The following ADAMTS20 variants were observed in gnomAD, a reference collection of about 807,000 sequenced individuals.
ADAMTS20 encodes ADAM metallopeptidase with thrombospondin type 1 motif 20.
A neutral mutation model predicts 260.1 loss-of-function variants in ADAMTS20; 225 were observed. The ratio of observed to expected loss-of-function variants is 0.87; its 90% confidence interval spans 0.78 to 0.97. The LOEUF (loss-of-function observed/expected upper bound fraction) is 0.97. Among genes scored for constraint, ADAMTS20 ranks in the 50% least tolerant of loss-of-function variants. The pLI, the probability that ADAMTS20 is intolerant of heterozygous loss-of-function variation, is 0.00. For synonymous variants in ADAMTS20, 802 were observed against 769.5 expected (o/e 1.04, Z -0.70); for missense variants, 2,400 against 2,337.7 (o/e 1.03, Z -0.55).
rs573472065 is a variant in ADAMTS20, at chr12:43,383,593, A to C, written c.4762T>G (p.Cys1588Gly). The part of the protein sequence containing the change: ...LTSKNCRNPP[C>G]NYIVVTADSS... ...TCTGCTGTTACCACAATGTAATTGC[A>C]AGGAGGGTTCCTGCAATTCTTGGAT... Residue 1588 changes from cysteine (C) to glycine (G), a missense_variant, in exon 31 of 39, where the codon TGC (cysteine) becomes GGC (glycine). By Grantham distance (159) the Cys-to-Gly change is radical. Transcript: ENST00000389420. 3.7e-6 allele frequency: 6 copies of C among 1,613,400 alleles called. No individual in the cohort carries two copies. In the South Asian group the frequency reaches 5.5e-5, roughly 15 times the overall value.
chr12:43,499,834 A>C (rs574364832), intron 4 of ADAMTS20, among the ~76,000 whole-genome samples: 1 of 152,104 alleles, frequency 6.6e-6, no homozygotes, highest in African/African-American at 2.4e-5. Flanking sequence ...TATAGATAAC[A>C]AAACCTTTCT....
chr12:43,519,472 A>C (rs1158851965), intron 3 of ADAMTS20, among the ~76,000 whole-genome samples: 1 of 152,102 alleles, frequency 6.6e-6, no homozygotes, highest in Non-Finnish European at 1.5e-5. Context: ...ATAAAAAAAA[A>C]CCCATGCTGG....
chr12:43,383,693 T>C lies in ADAMTS20; in HGVS notation c.4662A>G (p.Gln1554=). 6.2e-7 allele frequency: 1 copy of C among 1,613,954 alleles called. No individual in the cohort carries two copies. The highest frequency in any genetic ancestry group is 8.5e-7 in the Non-Finnish European group (1 of 1,179,838). Residue 1554 remains glutamine, a synonymous_variant, in exon 31 of 39, where the codon CAA becomes CAG. Coordinates refer to ENST00000389420, the MANE Select transcript of ADAMTS20 (RefSeq NM_025003.5). ...TTTGGTTATCTGTGCACTCCATTCG[T>C]TGATGTGAATCTTTTCTCTCACATG... ...STSCERKDSH[Q]RMECTDNQIR...
At chr12:43,377,599 T>C (rs748272049) in intron 31 of ADAMTS20, 37 bp from the exon 32 acceptor site, 2 of 1,559,910 alleles carry the variant, frequency 1.3e-6, no homozygotes, top group South Asian at 2.3e-5. Flanking sequence ...AAAATGTCAT[T>C]AACTTTAGCC....
intron 29 of ADAMTS20, among the ~76,000 whole-genome samples, chr12:43,394,860 G>GT (rs1287430809): frequency 1.3e-5 from 2 of 152,092 alleles, no homozygotes; most frequent in African/African-American, 2.4e-5. Context: ...ATAAGCTGCT[G>GT]TTTCTTCATC....
At chr12:43,501,473 G>GCACA (rs1198759318) in intron 4 of ADAMTS20, among the ~76,000 whole-genome samples, 981 of 55,512 alleles carry the variant, frequency 0.018, 13 homozygotes, top group African/African-American at 0.072. Context: ...GCGCGCGCGC[G>GCACA]CGCGCGCGCA....
At position 43,375,583 on chromosome 12, in the gene ADAMTS20, T is replaced by C. The variant is rs1940208949; in HGVS notation, c.5313-71A>G. On this transcript the variant is annotated intron_variant, in intron 35 of 38. Transcript: ENST00000389420. ...CCATAATGTAGACAAACTTTGGGAG[T>C]AGAAAAATAAAACACACTCCTGCTC... 1.6e-5 allele frequency: 24 copies of C among 1,533,112 alleles called. 1 individual carries two copies. The South Asian group carries it at 2.2e-4, about 14-fold the overall frequency. The allele number at this position is 1,533,112 out of a possible 1,614,324, so 95.0% of individuals were successfully genotyped here. A position where few individuals can be genotyped will look rare whatever the true frequency, so the allele number is the denominator to read the frequency against.
chr12:43,545,860 A>T (rs1037194752), intron 2 of ADAMTS20, among the ~76,000 whole-genome samples: 1 of 151,954 alleles, frequency 6.6e-6, no homozygotes, highest in Non-Finnish European at 1.5e-5. Context: ...TAACACAGAC[A>T]CTTCCCCTAA....
At chr12:43,394,136 C>A (rs557391455) in intron 29 of ADAMTS20, among the ~76,000 whole-genome samples, 1 of 152,002 alleles carries the variant, frequency 6.6e-6, no homozygotes, top group Admixed American at 6.6e-5. Context: ...CAATCCAGCA[C>A]CCTAATGTTG....
chr12:43,483,326 A>C (rs1474861626), intron 7 of ADAMTS20, among the ~76,000 whole-genome samples: 10 of 152,156 alleles, frequency 6.6e-5, no homozygotes, highest in Non-Finnish European at 1.5e-4. Flanking sequence ...ACCCTGTGGG[A>C]CAAAAGAAAC....
In ADAMTS20 at chr12:43,354,118, C is replaced by T. The variant is rs991154462; in HGVS notation, c.*91G>A. ...AGAGACATATTGGACATGGAAATCT[C>T]GGGAAGGGAGATATAAAGAAATGAG... On this transcript the variant is annotated 3_prime_UTR_variant, in exon 39 of 39. Coordinates refer to ENST00000389420, the MANE Select transcript of ADAMTS20 (RefSeq NM_025003.5). 1.2e-5 allele frequency: 12 copies of T among 975,980 alleles called. No individual in the cohort carries two copies. The highest frequency in any genetic ancestry group is 5.0e-5 in the African/African-American group (3 of 60,006). 60.5% of individuals were successfully genotyped at this position (975,980 alleles called of 1,614,324 possible). A position where few individuals can be genotyped will look rare whatever the true frequency, so the allele number is the denominator to read the frequency against.
At chr12:43,539,399 C>A (rs1251412531) in intron 2 of ADAMTS20, among the ~76,000 whole-genome samples, 2 of 152,036 alleles carry the variant, frequency 1.3e-5, no homozygotes, top group East Asian at 1.9e-4. Flanking sequence ...TTAAATAGTT[C>A]AAAAATTAAT....
intron 3 of ADAMTS20, among the ~76,000 whole-genome samples, chr12:43,506,966 G>A (rs887778451): frequency 2.0e-5 from 3 of 152,160 alleles, no homozygotes; most frequent in African/African-American, 4.8e-5. Context: ...TGAGGGAAAC[G>A]AGGAGAGGCT....
intron 7 of ADAMTS20, among the ~76,000 whole-genome samples, chr12:43,478,882 G>A (rs550182557): frequency 6.6e-6 from 1 of 152,294 alleles, no homozygotes; most frequent in African/African-American, 2.4e-5. Flanking sequence ...TGACTTTGCA[G>A]CTAACTCAGA....
At position 43,402,874 on chromosome 12, in the gene ADAMTS20, AT is replaced by A. The variant is rs140385154; in HGVS notation, c.4285-3642del. On this transcript the variant is annotated intron_variant, in intron 28 of 38. Coordinates refer to ENST00000389420, the MANE Select transcript of ADAMTS20 (RefSeq NM_025003.5). ...GACATAGTCTTAAACTGTTACTGAGATTTTTTTTTTCCATGACTACTATGGA... is the reference window on the plus strand; with the variant it reads ...GACATAGTCTTAAACTGTTACTGAGATTTTTTTTTCCATGACTACTATGGA... Among the ~76,000 whole-genome samples the A allele has an allele frequency of 9.4e-3, 1,413 of 150,752 alleles. 20 individuals carry two copies. Among genetic ancestry groups the A allele is most frequent in the African/African-American group, 0.032 (1,322 of 41,230 alleles).
At chr12:43,405,140 C>T (rs1213944714) in intron 28 of ADAMTS20, among the ~76,000 whole-genome samples, 1 of 146,378 alleles carries the variant, frequency 6.8e-6, no homozygotes, top group African/African-American at 2.5e-5. Flanking sequence ...ATGCCTGTAG[C>T]CCCAGCACTT....
intron 7 of ADAMTS20, among the ~76,000 whole-genome samples, chr12:43,488,518 A>T (rs1049513499): frequency 6.6e-6 from 1 of 152,192 alleles, no homozygotes; most frequent in African/African-American, 2.4e-5. Context: ...AAAACTACAC[A>T]TCATTTTGCA....
chr12:43,370,886 C>G (rs910831401), intron 36 of ADAMTS20, among the ~76,000 whole-genome samples: 1 of 152,116 alleles, frequency 6.6e-6, no homozygotes, highest in Non-Finnish European at 1.5e-5. Context: ...GTATCCTAAC[C>G]CATGTTCCCA....
At position 43,383,940 on chromosome 12, in the gene ADAMTS20, T is replaced by A. The variant is rs776136378; in HGVS notation, c.4490A>T (p.Asp1497Val). ...AACACCTTTCAGTCTGCAGTATACATCCCTCTGCTGAACTCCAGAGCCACA... is the reference window on the plus strand; with the variant it reads ...AACACCTTTCAGTCTGCAGTATACAACCCTCTGCTGAACTCCAGAGCCACA... ...VTCGSGVQQRDVYCRLKGVGQ... is the reference protein window; with the variant it reads ...VTCGSGVQQRVVYCRLKGVGQ... The change falls in exon 30 of 39, where the codon GAT becomes GTT. Residue 1497 changes from aspartate to valine, a missense_variant. By Grantham distance (152) the Asp-to-Val change is radical. Transcript: ENST00000389420. 3 of 1,613,814 alleles carry A rather than the reference T, an allele frequency of 1.9e-6. No homozygotes were observed. Among genetic ancestry groups the A allele is most frequent in the South Asian group, 2.2e-5 (2 of 91,062 alleles).
Sources: allele counts gnomAD v4.1 joint callset (sites outside exome capture counted in the v4.1 genomes callset), GRCh38; gene constraint gnomAD v4.1.1; transcripts MANE v1.5; gene names NCBI Gene and HGNC (gene_info 2026-07-23, HGNC 2026-07-21).